ST6GAL1: variants seen among roughly 807,000 people sequenced by gnomAD.
The protein encoded by ST6GAL1 is ST6 beta-galactoside alpha-2,6-sialyltransferase 1.
ST6GAL1 carries 20 observed loss-of-function variants against 38.0 expected under a neutral mutation model. The observed-to-expected ratio is 0.53, with a 90% CI of 0.37 to 0.77. ST6GAL1 has a LOEUF of 0.77. Ranked by LOEUF, ST6GAL1 falls within the 30% of genes least tolerant of loss-of-function variation. The pLI is 0.00. For synonymous variants in ST6GAL1, 196 were observed against 188.2 expected (o/e 1.04, Z -0.34); for missense variants, 432 against 496.4 (o/e 0.87, Z 1.23).
At chr3:187,014,966 T>G (rs1246286897) in intron 2 of ST6GAL1, among the ~76,000 whole-genome samples, 2 of 152,196 alleles carry the variant, frequency 1.3e-5, no homozygotes, top group African/African-American at 4.8e-5. Context: ...CCTGAAAATC[T>G]AAGTGATTTC....
chr3:186,930,676 G>C lies in ST6GAL1; in HGVS notation c.-483G>C, dbSNP rs1471648238. The C allele has an allele frequency of 1.3e-5, 2 of 152,568 alleles. No individual in the cohort carries two copies. Among genetic ancestry groups the C allele is most frequent in the Non-Finnish European group, 2.9e-5 (2 of 68,316 alleles). The allele number at this position is 152,568 out of a possible 1,614,324, so 9.5% of individuals were successfully genotyped here. Reference sequence around the variant, plus strand: ...CGAGCGCGTTTTCTGGAGTCACCTGGGGGAGGGGAGTCCTGGGCAGGGCCG... The same window carrying C: ...CGAGCGCGTTTTCTGGAGTCACCTGCGGGAGGGGAGTCCTGGGCAGGGCCG... On this transcript the variant is annotated 5_prime_UTR_variant, in exon 1 of 8. Transcript: ENST00000169298.
At chr3:186,959,376 C>A (rs1157495955) in intron 1 of ST6GAL1, among the ~76,000 whole-genome samples, 1 of 152,128 alleles carries the variant, frequency 6.6e-6, no homozygotes, top group Non-Finnish European at 1.5e-5. Context: ...TAGTCACTTA[C>A]CTGCTTTGTG....
At chr3:187,014,758 A>G (rs952072518) in intron 2 of ST6GAL1, among the ~76,000 whole-genome samples, 2 of 152,192 alleles carry the variant, frequency 1.3e-5, no homozygotes, top group African/African-American at 4.8e-5. Flanking sequence ...CAAAATGTTG[A>G]TGTTCTCGAG....
intron 5 of ST6GAL1, among the ~76,000 whole-genome samples, chr3:187,065,122 C>T (rs908287416): frequency 8.5e-5 from 13 of 152,122 alleles, no homozygotes; most frequent in African/African-American, 2.9e-4. Flanking sequence ...CCTCGGTCTC[C>T]CAAGTAGCTG....
intron 2 of ST6GAL1, among the ~76,000 whole-genome samples, chr3:186,976,236 C>T (rs562571771): frequency 2.6e-5 from 4 of 152,242 alleles, no homozygotes; most frequent in South Asian, 4.1e-4. Context: ...AGTTGGTTTA[C>T]GCTCTCCTTT....
At chr3:186,937,611 G>C (rs1439766201) in intron 1 of ST6GAL1, among the ~76,000 whole-genome samples, 1 of 151,054 alleles carries the variant, frequency 6.6e-6, no homozygotes, top group Non-Finnish European at 1.5e-5. Flanking sequence ...GAAGCTCATA[G>C]TTCAAAGGAG....
chr3:186,965,634 G>A (rs1715081607), intron 2 of ST6GAL1, among the ~76,000 whole-genome samples: 2 of 152,224 alleles, frequency 1.3e-5, no homozygotes, highest in African/African-American at 4.8e-5. Flanking sequence ...TGACTGAGGC[G>A]AAAGTACGTA....
chr3:186,981,763 CTCAGCT>C (rs1445580007), intron 2 of ST6GAL1, among the ~76,000 whole-genome samples: 1 of 152,202 alleles, frequency 6.6e-6, no homozygotes, highest in Non-Finnish European at 1.5e-5. Flanking sequence ...TATTTCCAAC[CTCAGCT>C]TTGATGACAA....
chr3:187,000,779 T>A (rs114712254), intron 2 of ST6GAL1, among the ~76,000 whole-genome samples: 105 of 152,306 alleles, frequency 6.9e-4, no homozygotes, highest in Non-Finnish European at 1.2e-3. Flanking sequence ...TTTCAACTAT[T>A]GTTGGTTGTT....
At chr3:187,049,236 C>T (rs987799088) in intron 4 of ST6GAL1, among the ~76,000 whole-genome samples, 1 of 152,182 alleles carries the variant, frequency 6.6e-6, no homozygotes, top group African/African-American at 2.4e-5. Context: ...TTCTCACTCT[C>T]TGGATTTTCT....
chr3:187,036,573 A>G (rs1717938982), intron 2 of ST6GAL1, among the ~76,000 whole-genome samples: 1 of 152,236 alleles, frequency 6.6e-6, no homozygotes, highest in Admixed American at 6.5e-5. Flanking sequence ...CAGCCATGAA[A>G]AAGAACAAAG....
chr3:187,054,675 T>C (rs996007019), intron 5 of ST6GAL1, among the ~76,000 whole-genome samples: 3 of 152,208 alleles, frequency 2.0e-5, no homozygotes, highest in Admixed American at 2.0e-4. Context: ...ATAAGCTTTT[T>C]GATGCACTGC....
chr3:187,022,285 C>T (rs1012294568), intron 2 of ST6GAL1, among the ~76,000 whole-genome samples: 4 of 152,140 alleles, frequency 2.6e-5, no homozygotes, highest in South Asian at 2.1e-4. Flanking sequence ...CATAAGTCAT[C>T]TTCTGTGTTG....
chr3:187,027,580 A>G (rs575729873), intron 2 of ST6GAL1, among the ~76,000 whole-genome samples: 6 of 152,170 alleles, frequency 3.9e-5, no homozygotes, highest in Non-Finnish European at 8.8e-5. Flanking sequence ...AAGTGAGTGC[A>G]GTGTTTTATT....
intron 2 of ST6GAL1, chr3:187,025,641 C>G (rs190863741): frequency 3.9e-5 from 6 of 152,244 alleles, no homozygotes; most frequent in African/African-American, 1.4e-4. Context: ...AATAGGAAGG[C>G]AGATATTTCT....
intron 6 of ST6GAL1, 122 bp from the exon 7 acceptor site, chr3:187,074,037 G>T (rs1719478080): frequency 1.2e-6 from 1 of 865,064 alleles, no homozygotes; most frequent in African/African-American, 1.8e-5. Context: ...AAAGGGCTGT[G>T]CCTCAGGAGC....
chr3:187,054,502 G>C (rs1718622749), intron 5 of ST6GAL1, among the ~76,000 whole-genome samples: 1 of 152,140 alleles, frequency 6.6e-6, no homozygotes, highest in African/African-American at 2.4e-5. Flanking sequence ...AGAGTTTTTA[G>C]CATGAAGGGC....
At chr3:187,055,284 G>GT (rs1348030856) in intron 5 of ST6GAL1, among the ~76,000 whole-genome samples, 1 of 149,922 alleles carries the variant, frequency 6.7e-6, no homozygotes, top group Admixed American at 6.6e-5. Flanking sequence ...TTTTTGAAGA[G>GT]TTTTTTGTGT....
rs1358839600 is a variant in ST6GAL1 at position 187,075,857 on chromosome 3, AC to A, written c.*58del. 2 of 1,600,504 alleles carry A rather than the reference AC, an allele frequency of 1.2e-6. No homozygotes were observed. The highest frequency in any genetic ancestry group is 8.5e-7 in the Non-Finnish European group (1 of 1,171,772). ...GCATTAAATGAATGGTCTCTTGGCCACCCCAGCCTGGGAAGAACATTTTCCT... is the reference window on the plus strand; with the variant it reads ...GCATTAAATGAATGGTCTCTTGGCCACCCAGCCTGGGAAGAACATTTTCCT... On this transcript the variant is annotated 3_prime_UTR_variant, in exon 8 of 8. Transcript: ENST00000169298. This position sits in a 1 kb window ranked among gnomAD's most constrained non-coding sequence, Gnocchi z 4.1.
Sources: gnomAD v4.1 joint callset for allele counts (sites outside exome capture counted in the v4.1 genomes callset) on GRCh38, gnomAD v4.1.1 for gene constraint, Gnocchi (gnomAD v3.1) non-coding constraint, MANE v1.5 for transcripts, NCBI Gene and HGNC (gene_info 2026-07-23, HGNC 2026-07-21) for gene names.